RFX8: variants seen among roughly 807,000 people sequenced by gnomAD.
RFX8 encodes regulatory factor X8.
RFX8 carries 46 observed loss-of-function variants against 54.6 expected under a neutral mutation model. That is an observed-to-expected ratio of 0.84 (90% confidence interval 0.67 to 1.08). The LOEUF is 1.08. Among genes scored for constraint, RFX8 ranks in the 50% least tolerant of loss-of-function variants. RFX8 has a pLI of 0.00. For synonymous variants in RFX8, 192 were observed against 209.5 expected (o/e 0.92, Z 0.72); for missense variants, 536 against 562.3 (o/e 0.95, Z 0.47).
intron 8 of RFX8, among the ~76,000 whole-genome samples, chr2:101,412,172 C>T (rs1686173964): frequency 6.6e-6 from 1 of 152,166 alleles, no homozygotes; most frequent in South Asian, 2.1e-4. Context: ...GCCTGGCACC[C>T]TCCCTGTAGC....
chr2:101,430,626 C>T (rs1368737402), intron 2 of RFX8, among the ~76,000 whole-genome samples: 2 of 152,206 alleles, frequency 1.3e-5, no homozygotes, highest in Non-Finnish European at 2.9e-5. Flanking sequence ...GCTTCCAGAA[C>T]TGTGAGAAAA....
chr2:101,417,513 AT>A lies in RFX8; in HGVS notation c.502+20del. On this transcript the variant is annotated intron_variant, in intron 6 of 11. Coordinates refer to ENST00000428343, the MANE Select transcript of RFX8 (RefSeq NM_001145664.2). ...GAGCCACTGTGCCAGCCCAGAATTT[AT>A]TTTTTTCATCGAAACCTACCTTTGA... The A allele has an allele frequency of 1.9e-6, 3 of 1,539,792 alleles. No individual in the cohort carries two copies. Among genetic ancestry groups the A allele is most frequent in the Admixed American group, 2.1e-5 (1 of 48,748 alleles).
intron 2 of RFX8, among the ~76,000 whole-genome samples, chr2:101,455,676 C>T (rs1438996760): frequency 2.0e-5 from 3 of 151,972 alleles, no homozygotes; most frequent in Non-Finnish European, 4.4e-5. Context: ...TTCTTTTGGC[C>T]TAGGATTATC....
At chr2:101,429,884 A>C (rs1687391645) in intron 2 of RFX8, among the ~76,000 whole-genome samples, 1 of 152,190 alleles carries the variant, frequency 6.6e-6, no homozygotes, top group Admixed American at 6.5e-5. Flanking sequence ...GGGGAGGTAG[A>C]GGAAAATGGC....
At chr2:101,410,574 G>C (rs1686065632) in intron 9 of RFX8, 45 bp downstream of exon 9, 2 of 1,029,840 alleles carry the variant, frequency 1.9e-6, no homozygotes, top group Non-Finnish European at 2.9e-6. Flanking sequence ...CATTTATCTA[G>C]AATGGTCAAC....
At chr2:101,464,724 A>G (rs1689482673) in intron 2 of RFX8, among the ~76,000 whole-genome samples, 1 of 152,202 alleles carries the variant, frequency 6.6e-6, no homozygotes, top group African/African-American at 2.4e-5. Flanking sequence ...GAGATAAAAA[A>G]TGCCTCCTAG....
chr2:101,462,354 C>T (rs1030146021), intron 2 of RFX8, among the ~76,000 whole-genome samples: 1 of 152,030 alleles, frequency 6.6e-6, no homozygotes, highest in Admixed American at 6.6e-5. Flanking sequence ...TGCTGGAGCC[C>T]AGGAGGCAGA....
chr2:101,408,341 T>C (rs982081496), intron 9 of RFX8, among the ~76,000 whole-genome samples: 4 of 151,898 alleles, frequency 2.6e-5, no homozygotes, highest in Admixed American at 2.0e-4. Context: ...AAAAATTAGC[T>C]GGGCGAGGTG....
At chr2:101,434,437 G>A (rs77872129) in intron 2 of RFX8, among the ~76,000 whole-genome samples, 459 of 152,228 alleles carry the variant, frequency 3.0e-3, no homozygotes, top group African/African-American at 0.011. Context: ...GATGACCGAG[G>A]GGGAGACCTG....
intron 2 of RFX8, among the ~76,000 whole-genome samples, chr2:101,457,239 CT>C (rs1689024861): frequency 6.6e-6 from 1 of 152,010 alleles, no homozygotes; most frequent in Admixed American, 6.6e-5. Flanking sequence ...TATTTCTTGC[CT>C]TTTGCTAGCT....
intron 2 of RFX8, among the ~76,000 whole-genome samples, chr2:101,448,532 C>T (rs1688514660): frequency 6.6e-6 from 1 of 152,216 alleles, no homozygotes; most frequent in South Asian, 2.1e-4. Flanking sequence ...TGATCCCCTA[C>T]CCAAAATGTG....
intron 2 of RFX8, among the ~76,000 whole-genome samples, chr2:101,447,311 G>T (rs1201331502): frequency 6.6e-6 from 1 of 152,122 alleles, no homozygotes; most frequent in Non-Finnish European, 1.5e-5. Flanking sequence ...TTCTCCAATA[G>T]CTATTTCAGT....
chr2:101,402,452 G>C lies in RFX8; in HGVS notation c.1229C>G (p.Thr410Ser), dbSNP rs1685487707. ...VLRILGFLVD[T>S]AMGNKLIQVL... Reference sequence around the variant, plus strand: ...TGTCCCTACCTTATTGCCCATGGCAGTGTCCACCAGGAAGCCCAGGATCCT... The same window carrying C: ...TGTCCCTACCTTATTGCCCATGGCACTGTCCACCAGGAAGCCCAGGATCCT... Residue 410 changes from threonine (T) to serine (S), a missense_variant, in exon 11 of 12, where the codon ACT (threonine) becomes AGT (serine). Thr to Ser is a moderately conservative substitution (Grantham distance 58, BLOSUM62 1). Transcript: ENST00000428343. 6.5e-7 allele frequency: 1 copy of C among 1,548,784 alleles called. No homozygotes were observed. The highest frequency in any genetic ancestry group is 8.7e-7 in the Non-Finnish European group (1 of 1,144,502).
chr2:101,409,529 C>T (rs1020218366), intron 9 of RFX8, among the ~76,000 whole-genome samples: 14 of 150,448 alleles, frequency 9.3e-5, no homozygotes, highest in Admixed American at 8.0e-4. Flanking sequence ...CCCGGCCAGA[C>T]GGAGTCTTTT....
chr2:101,466,873 T>G lies in RFX8; in HGVS notation c.-25A>C. The G allele has an allele frequency of 6.5e-7, 1 of 1,535,472 alleles. No individual in the cohort carries two copies. Among genetic ancestry groups the G allele is most frequent in the Non-Finnish European group, 8.8e-7 (1 of 1,132,346 alleles). Reference sequence around the variant, plus strand: ...TGAGACAGCGAGGGACGCTGCACTCTTCGCAAATGCAGAAGTTGTCGACCA... The same window carrying G: ...TGAGACAGCGAGGGACGCTGCACTCGTCGCAAATGCAGAAGTTGTCGACCA... On this transcript the variant is annotated 5_prime_UTR_variant, in exon 2 of 12. Transcript: ENST00000428343.
In RFX8 at chr2:101,444,462, A is replaced by G. The variant is rs190648648; in HGVS notation, c.73-21990T>C. Among the ~76,000 whole-genome samples, 199 of 152,322 alleles carry G rather than the reference A, an allele frequency of 1.3e-3. 2 individuals carry two copies. Among genetic ancestry groups the G allele is most frequent in the African/African-American group, 4.5e-3 (187 of 41,572 alleles). On this transcript the variant is annotated intron_variant, in intron 2 of 11. Transcript: ENST00000428343. The stretch of plus-strand genomic sequence containing the variant: ...AACATAACCAAAATTCCCAGGATAC[A>G]ATGGAAACTCACCCATAATCCCAAA...
At position 101,458,439 on chromosome 2, in the gene RFX8, T is replaced by G. The variant is rs565502874; in HGVS notation, c.72+8338A>C. ...AAATCTCTCAGCATTTGCTTGTCTG[T>G]AAAGGATTTTATTTCTCCTTCACTT... On this transcript the variant is annotated intron_variant, in intron 2 of 11. Coordinates refer to ENST00000428343, the MANE Select transcript of RFX8 (RefSeq NM_001145664.2). Among the ~76,000 whole-genome samples the G allele has an allele frequency of 4.6e-5, 7 of 152,328 alleles. No individual in the cohort carries two copies. The East Asian group carries it at 1.4e-3, about 29-fold the overall frequency.
At chr2:101,431,366 G>A (rs573935236) in intron 2 of RFX8, among the ~76,000 whole-genome samples, 6 of 152,292 alleles carry the variant, frequency 3.9e-5, no homozygotes, top group East Asian at 1.9e-4. Context: ...CTAGGAAAAC[G>A]TACATCAGGG....
intron 7 of RFX8, among the ~76,000 whole-genome samples, chr2:101,414,355 C>T (rs569333288): frequency 2.8e-4 from 42 of 152,238 alleles, no homozygotes; most frequent in Admixed American, 2.6e-3. Context: ...GCAACTTCCA[C>T]TTCCCAGGTT....
Sources: gnomAD v4.1 joint callset for allele counts (sites outside exome capture counted in the v4.1 genomes callset) on GRCh38, gnomAD v4.1.1 for gene constraint, MANE v1.5 for transcripts, NCBI Gene and HGNC (gene_info 2026-07-23, HGNC 2026-07-21) for gene names.